The following MAGI2 variants were observed in gnomAD, a reference collection of about 807,000 sequenced individuals.
MAGI2 encodes the protein membrane associated guanylate kinase, WW and PDZ domain containing 2.
A neutral mutation model predicts 133.3 loss-of-function variants in MAGI2; 35 were observed. The observed-to-expected ratio is 0.26, with a 90% CI of 0.20 to 0.35. The LOEUF is 0.35. MAGI2 is among the 10% of genes least tolerant of loss of function. MAGI2 has a pLI of 1.00. For missense variants in MAGI2, 1,636 were observed against 1,863.4 expected (o/e 0.88, Z 2.25); for synonymous variants, 729 against 710.6 (o/e 1.03, Z -0.41).
At chr7:78,296,958 G>A (rs1048043646) in intron 9 of MAGI2, among the ~76,000 whole-genome samples, 4 of 152,242 alleles carry the variant, frequency 2.6e-5, no homozygotes, top group South Asian at 2.1e-4. Flanking sequence ...GCTATAGCTC[G>A]CTATAGTTAA....
intron 2 of MAGI2, among the ~76,000 whole-genome samples, chr7:78,726,421 G>T (rs554464162): frequency 6.6e-6 from 1 of 152,280 alleles, no homozygotes; most frequent in Admixed American, 6.5e-5. Flanking sequence ...AACTGGAAGA[G>T]GTTAACTTCA....
At chr7:78,150,399 T>TA (rs1409729292) in intron 16 of MAGI2, among the ~76,000 whole-genome samples, 14 of 152,170 alleles carry the variant, frequency 9.2e-5, no homozygotes, top group South Asian at 6.2e-4. Context: ...AAGAGAAAAA[T>TA]AAAAAATCAC....
intron 1 of MAGI2, among the ~76,000 whole-genome samples, chr7:79,065,136 A>T (rs1466766020): frequency 6.6e-6 from 1 of 152,072 alleles, no homozygotes; most frequent in Non-Finnish European, 1.5e-5. Flanking sequence ...CCCAATATGA[A>T]TACACTAACT....
In MAGI2 at chr7:78,157,797, G is replaced by A. The variant is rs539241744; in HGVS notation, c.2845+2228C>T. Among the ~76,000 whole-genome samples, 5 of 152,220 alleles carry A rather than the reference G, an allele frequency of 3.3e-5. No homozygotes were observed. The South Asian group carries it at 1.0e-3, about 32-fold the overall frequency. On this transcript the variant is annotated intron_variant, in intron 16 of 21. Transcript: ENST00000354212. ...CTTAGTTTTGTATCCTTTTAATCTT[G>A]GTGAATCCATCGTACTGACAGAATT...
chr7:78,859,514 G>T (rs1793971719), intron 2 of MAGI2, among the ~76,000 whole-genome samples: 1 of 152,130 alleles, frequency 6.6e-6, no homozygotes, highest in Admixed American at 6.6e-5. Context: ...AGTTTGACTG[G>T]ATATGAAATT....
chr7:78,471,487 T>C (rs139203141), intron 6 of MAGI2, among the ~76,000 whole-genome samples: 3 of 152,282 alleles, frequency 2.0e-5, no homozygotes, highest in African/African-American at 7.2e-5. Flanking sequence ...AAACTAGTGA[T>C]GAAGTAGAGA....
intron 2 of MAGI2, among the ~76,000 whole-genome samples, chr7:78,935,912 C>T (rs1180989964): frequency 1.3e-5 from 2 of 152,012 alleles, no homozygotes; most frequent in Non-Finnish European, 2.9e-5. Flanking sequence ...TTGCAACCAT[C>T]ACATCCAACT....
intron 5 of MAGI2, among the ~76,000 whole-genome samples, chr7:78,491,000 C>G (rs1233147393): frequency 6.6e-6 from 1 of 151,966 alleles, no homozygotes; most frequent in Non-Finnish European, 1.5e-5. Flanking sequence ...AATAGGCATA[C>G]TTTACTACAG....
At chr7:78,796,814 C>T (rs79193612) in intron 2 of MAGI2, among the ~76,000 whole-genome samples, 10,849 of 152,126 alleles carry the variant, frequency 0.071, 421 homozygotes, top group Admixed American at 0.12. Flanking sequence ...GAATGAAATC[C>T]TGTCATTTGA....
intron 3 of MAGI2, among the ~76,000 whole-genome samples, chr7:78,595,565 C>T (rs1010192958): frequency 6.6e-6 from 1 of 152,138 alleles, no homozygotes; most frequent in Non-Finnish European, 1.5e-5. Flanking sequence ...TATAAGAATT[C>T]GTTTAATTTC....
At chr7:79,262,369 C>A (rs1056393987) in intron 1 of MAGI2, among the ~76,000 whole-genome samples, 5 of 152,120 alleles carry the variant, frequency 3.3e-5, no homozygotes, top group Non-Finnish European at 7.3e-5. Flanking sequence ...AAACCATAAT[C>A]CTAATTCACT....
intron 5 of MAGI2, 75 bp downstream of exon 5, chr7:78,501,502 A>G: frequency 1.0e-6 from 1 of 993,460 alleles, no homozygotes; most frequent in Non-Finnish European, 1.4e-6. Flanking sequence ...TTTTTTTTCC[A>G]CGTCTAACTT....
intron 1 of MAGI2, among the ~76,000 whole-genome samples, chr7:79,196,877 C>T (rs1828129359): frequency 6.6e-6 from 1 of 151,822 alleles, no homozygotes; most frequent in African/African-American, 2.4e-5. Flanking sequence ...AAACAATCCT[C>T]CCACCCCAGC....
At chr7:78,881,907 C>T (rs1584264525) in intron 2 of MAGI2, among the ~76,000 whole-genome samples, 1 of 150,404 alleles carries the variant, frequency 6.6e-6, no homozygotes, top group Non-Finnish European at 1.5e-5. Flanking sequence ...CAAGAACAAA[C>T]TAATCCCAAA....
At chr7:78,504,165 A>C (rs1421293907) in intron 4 of MAGI2, among the ~76,000 whole-genome samples, 2 of 152,170 alleles carry the variant, frequency 1.3e-5, no homozygotes. Flanking sequence ...AGTGGAGAAA[A>C]GGTAGGAAAA....
intron 1 of MAGI2, among the ~76,000 whole-genome samples, chr7:79,293,532 GATAAGT>G (rs1321076532): frequency 6.6e-6 from 1 of 152,194 alleles, no homozygotes; most frequent in Non-Finnish European, 1.5e-5. Flanking sequence ...GAATAATAGT[GATAAGT>G]ATAACAATGG....
At chr7:78,357,351 T>G (rs2151221031) in intron 7 of MAGI2, among the ~76,000 whole-genome samples, 1 of 152,298 alleles carries the variant, frequency 6.6e-6, no homozygotes, top group South Asian at 2.1e-4. Flanking sequence ...TGGTAGCTAT[T>G]AATATTTTTT....
At chr7:78,597,448 G>A (rs1339665812) in intron 3 of MAGI2, among the ~76,000 whole-genome samples, 2 of 151,732 alleles carry the variant, frequency 1.3e-5, no homozygotes, top group Non-Finnish European at 2.9e-5. Context: ...CTTGAAATAC[G>A]GTCAGAGGCA....
chr7:78,651,538 A>G (rs1425756050), intron 2 of MAGI2, among the ~76,000 whole-genome samples: 1 of 152,034 alleles, frequency 6.6e-6, no homozygotes, highest in Non-Finnish European at 1.5e-5. Context: ...AGAACTCATA[A>G]ATGTTATTAG....
Sources: allele counts gnomAD v4.1 joint callset (sites outside exome capture counted in the v4.1 genomes callset), GRCh38; gene constraint gnomAD v4.1.1; transcripts MANE v1.5; gene names NCBI Gene and HGNC (gene_info 2026-07-23, HGNC 2026-07-21).